CRACD: variants seen among roughly 807,000 people sequenced by gnomAD.
CRACD encodes the protein capping protein inhibiting regulator of actin dynamics, also known as capping protein-inhibiting regulator of actin dynamics.
A neutral mutation model predicts 106.8 loss-of-function variants in CRACD; 56 were observed. The observed-to-expected ratio is 0.52, with a 90% CI of 0.42 to 0.66. The LOEUF (loss-of-function observed/expected upper bound fraction) is 0.66. Among genes scored for constraint, CRACD ranks in the 30% least tolerant of loss-of-function variants. CRACD has a pLI of 0.00. For synonymous variants in CRACD, 754 were observed against 670.8 expected (o/e 1.12, Z -1.92); for missense variants, 1,730 against 1,623.2 (o/e 1.07, Z -1.13).
intron 2 of CRACD, among the ~76,000 whole-genome samples, chr4:56,270,221 TC>T (rs201371727): frequency 8.8e-6 from 1 of 114,114 alleles, no homozygotes; most frequent in Non-Finnish European, 1.8e-5. Context: ...ATTTTCTTTT[TC>T]TTTTTTTTTT....
intron 1 of CRACD, among the ~76,000 whole-genome samples, chr4:56,141,930 G>A (rs2109878696): frequency 6.6e-6 from 1 of 152,010 alleles, no homozygotes; most frequent in South Asian, 2.1e-4. Flanking sequence ...TTGACCTCAA[G>A]TGATCCTCCT....
At chr4:56,093,373 G>T (rs762420708) in intron 1 of CRACD, among the ~76,000 whole-genome samples, 2 of 152,164 alleles carry the variant, frequency 1.3e-5, no homozygotes, top group Non-Finnish European at 2.9e-5. Flanking sequence ...CATTGTGCAG[G>T]TTCATGACGC....
At chr4:56,226,530 G>A (rs998338930) in intron 2 of CRACD, among the ~76,000 whole-genome samples, 1 of 152,162 alleles carries the variant, frequency 6.6e-6, no homozygotes, top group East Asian at 1.9e-4. Context: ...GCAAAAAAGG[G>A]TAAAATTATG....
At chr4:56,256,611 G>A (rs562801183) in intron 2 of CRACD, among the ~76,000 whole-genome samples, 113 of 152,280 alleles carry the variant, frequency 7.4e-4, no homozygotes, top group Middle Eastern at 6.8e-3. Context: ...AAGTTAGGAA[G>A]GTACAGCAGT....
intron 1 of CRACD, among the ~76,000 whole-genome samples, chr4:56,071,527 G>A (rs1402106806): frequency 2.1e-5 from 3 of 145,612 alleles, no homozygotes; most frequent in African/African-American, 7.8e-5. Flanking sequence ...TTTTTTTGGA[G>A]ATGGAATCTC....
Position 56,328,390 on chromosome 4 carries a change from G to A in CRACD, c.*586G>A, listed in dbSNP as rs1397728673. ...TTTCATGAGTTTTCCCCACTCTGAA[G>A]CTGTAACCCAGAAGGCACATCCATT... On this transcript the variant is annotated 3_prime_UTR_variant, in exon 11 of 11. Transcript: ENST00000682029. 1 of 518,898 alleles carries A rather than the reference G, an allele frequency of 1.9e-6. No individual in the cohort carries two copies. Among genetic ancestry groups the A allele is most frequent in the East Asian group, 5.4e-5 (1 of 18,352 alleles). 32.1% of individuals were successfully genotyped at this position (518,898 alleles called of 1,614,324 possible).
intron 2 of CRACD, among the ~76,000 whole-genome samples, chr4:56,231,679 G>A (rs946439204): frequency 1.3e-5 from 2 of 152,212 alleles, no homozygotes; most frequent in Admixed American, 1.3e-4. Context: ...AGATACAAAA[G>A]AGTGCATGCT....
At chr4:56,218,636 C>G in intron 2 of CRACD, among the ~76,000 whole-genome samples, 1 of 148,158 alleles carries the variant, frequency 6.7e-6, no homozygotes, top group Non-Finnish European at 1.5e-5. Context: ...TCAACAGGCT[C>G]TCTCTCTGTC....
intron 2 of CRACD, among the ~76,000 whole-genome samples, chr4:56,236,339 G>A (rs752552545): frequency 1.3e-5 from 2 of 152,188 alleles, no homozygotes; most frequent in Admixed American, 1.3e-4. Flanking sequence ...GAGGGAACAC[G>A]GCCTTGATCT....
intron 10 of CRACD, among the ~76,000 whole-genome samples, chr4:56,327,328 G>A (rs1746512572): frequency 6.6e-6 from 1 of 152,086 alleles, no homozygotes. Flanking sequence ...ATCAAAATAT[G>A]GCTGGGGTGG....
chr4:56,259,883 C>T (rs61293694), intron 2 of CRACD, among the ~76,000 whole-genome samples: 71,434 of 151,924 alleles, frequency 0.47, 16,976 homozygotes, highest in East Asian at 0.68. Flanking sequence ...GGAGATCCCT[C>T]AGGGCCTTTT....
intron 3 of CRACD, among the ~76,000 whole-genome samples, chr4:56,293,040 C>A (rs551101414): frequency 6.6e-6 from 1 of 152,014 alleles, no homozygotes; most frequent in Non-Finnish European, 1.5e-5. Flanking sequence ...ATTTATTAAA[C>A]AATTAAGTGG....
chr4:56,262,235 G>A (rs769772837), intron 2 of CRACD, among the ~76,000 whole-genome samples: 11 of 152,176 alleles, frequency 7.2e-5, no homozygotes, highest in African/African-American at 1.7e-4. Flanking sequence ...GAAATTGGAC[G>A]GAAACCTGTA....
intron 1 of CRACD, among the ~76,000 whole-genome samples, chr4:56,082,114 T>TA (rs1733053971): frequency 6.6e-6 from 1 of 152,218 alleles, no homozygotes; most frequent in South Asian, 2.1e-4. Flanking sequence ...GGTGGTATGA[T>TA]AGAGTTGCCT....
At chr4:56,198,363 G>A (rs1441649159) in intron 2 of CRACD, among the ~76,000 whole-genome samples, 1 of 152,128 alleles carries the variant, frequency 6.6e-6, no homozygotes, top group African/African-American at 2.4e-5. Flanking sequence ...GTTGGCTCTA[G>A]CATTCATCAG....
chr4:56,232,277 G>A (rs1238955660), intron 2 of CRACD, among the ~76,000 whole-genome samples: 4 of 152,088 alleles, frequency 2.6e-5, no homozygotes, highest in African/African-American at 9.7e-5. Context: ...GATTAACTCA[G>A]ATTCCTCTAT....
intron 2 of CRACD, among the ~76,000 whole-genome samples, chr4:56,188,637 C>T (rs1239005648): frequency 6.8e-6 from 1 of 147,044 alleles, no homozygotes; most frequent in East Asian, 2.0e-4. Context: ...CTCTCTCTCT[C>T]TCTCTCTCTC....
chr4:56,189,941 G>T (rs1737290732), intron 2 of CRACD, among the ~76,000 whole-genome samples: 1 of 147,242 alleles, frequency 6.8e-6, no homozygotes, highest in Non-Finnish European at 1.5e-5. Flanking sequence ...CTAGCATTAG[G>T]TATATCTCCC....
In CRACD at chr4:56,324,296, G is replaced by A. The variant is rs750129379; in HGVS notation, c.3541+30G>A. ...AGAGCAGGTCCATTGCTTTGTAACT[G>A]TAGTTCCAGGTTTCTCTTTGTAGAG... On this transcript the variant is annotated intron_variant, in intron 10 of 10. Coordinates refer to ENST00000682029, the MANE Select transcript of CRACD (RefSeq NM_001393381.1). 2.5e-6 allele frequency: 4 copies of A among 1,591,196 alleles called. No individual in the cohort carries two copies. The South Asian group carries it at 3.4e-5, about 14-fold the overall frequency.
Sources: gnomAD v4.1 joint callset for allele counts (sites outside exome capture counted in the v4.1 genomes callset) on GRCh38, gnomAD v4.1.1 for gene constraint, MANE v1.5 for transcripts, NCBI Gene and HGNC (gene_info 2026-07-23, HGNC 2026-07-21) for gene names.